The following IMMP2L variants were observed in gnomAD, a reference collection of about 807,000 sequenced individuals.
IMMP2L encodes the protein inner mitochondrial membrane peptidase subunit 2.
IMMP2L carries 18 observed loss-of-function variants against 19.3 expected under a neutral mutation model. The observed-to-expected ratio is 0.93, with a 90% CI of 0.64 to 1.38. The LOEUF (loss-of-function observed/expected upper bound fraction) is 1.38. Among genes scored for constraint, IMMP2L ranks in the 40% most tolerant of loss-of-function variants. The pLI is 0.00. For synonymous variants in IMMP2L, 76 were observed against 73.0 expected, an observed-to-expected ratio of 1.04 and a Z score of -0.21; for missense variants, 233 against 218.2, an observed-to-expected ratio of 1.07 and a Z score of -0.43.
At chr7:111,011,685 C>A (rs7459402) in intron 3 of IMMP2L, among the ~76,000 whole-genome samples, 1 of 152,080 alleles carries the variant, frequency 6.6e-6, no homozygotes, top group African/African-American at 2.4e-5. Context: ...GCACTGAAGA[C>A]GGCAACAACT....
At chr7:110,902,930 T>A (rs1585200913) in intron 4 of IMMP2L, among the ~76,000 whole-genome samples, 3 of 12,662 alleles carry the variant, frequency 2.4e-4, no homozygotes, top group South Asian at 7.2e-3. Flanking sequence ...AGACTCCGTC[T>A]CAAAAAAAAA....
intron 5 of IMMP2L, among the ~76,000 whole-genome samples, chr7:110,774,207 G>A (rs1260157757): frequency 6.6e-6 from 1 of 152,052 alleles, no homozygotes; most frequent in Non-Finnish European, 1.5e-5. Context: ...TCAGTAACTG[G>A]TAAACCTTCA....
intron 3 of IMMP2L, among the ~76,000 whole-genome samples, chr7:111,473,212 G>A (rs1841422935): frequency 6.6e-6 from 1 of 152,184 alleles, no homozygotes; most frequent in African/African-American, 2.4e-5. Flanking sequence ...TATGCACAGG[G>A]TGACTATGCT....
intron 5 of IMMP2L, among the ~76,000 whole-genome samples, chr7:110,776,704 T>C (rs1799411491): frequency 6.6e-6 from 1 of 152,032 alleles, no homozygotes; most frequent in African/African-American, 2.4e-5. Flanking sequence ...GAGATCTATA[T>C]CTTCCACTTA....
intron 3 of IMMP2L, among the ~76,000 whole-genome samples, chr7:111,292,431 T>C (rs1319598835): frequency 6.6e-6 from 1 of 152,098 alleles, no homozygotes; most frequent in African/African-American, 2.4e-5. Flanking sequence ...CCTGCACACA[T>C]TTCTACAGAG....
intron 5 of IMMP2L, among the ~76,000 whole-genome samples, chr7:110,783,743 T>C (rs1044922665): frequency 2.6e-5 from 4 of 151,764 alleles, no homozygotes; most frequent in African/African-American, 4.8e-5. Context: ...GAAAAATACA[T>C]AGAAGTTTAA....
At chr7:111,232,721 G>A (rs1318248455) in intron 3 of IMMP2L, among the ~76,000 whole-genome samples, 4 of 151,998 alleles carry the variant, frequency 2.6e-5, no homozygotes, top group Non-Finnish European at 4.4e-5. Flanking sequence ...GTATTAAAAT[G>A]AAAATGTGAT....
chr7:111,495,066 A>G (rs1415856968), intron 2 of IMMP2L, among the ~76,000 whole-genome samples: 1 of 152,150 alleles, frequency 6.6e-6, no homozygotes, highest in Non-Finnish European at 1.5e-5. Context: ...TTAGTTATGA[A>G]TACCTATAAA....
chr7:110,995,865 A>C lies in IMMP2L; in HGVS notation c.240-32300T>G, dbSNP rs183692623. Among the ~76,000 whole-genome samples the C allele has an allele frequency of 9.2e-5, 14 of 152,266 alleles. 1 individual carries two copies. The highest frequency in any genetic ancestry group is 3.4e-4 in the African/African-American group (14 of 41,556). ...ATCCACCTGGGACACTAGAATAGTAAAGAAATATAATTCTACAGGTTAGGA... is the reference window on the plus strand; with the variant it reads ...ATCCACCTGGGACACTAGAATAGTACAGAAATATAATTCTACAGGTTAGGA... On this transcript the variant is annotated intron_variant, in intron 3 of 5. Transcript: ENST00000405709.
At chr7:111,479,497 C>A (rs111603481) in intron 3 of IMMP2L, among the ~76,000 whole-genome samples, 3,084 of 152,070 alleles carry the variant, frequency 0.02, 105 homozygotes, top group African/African-American at 0.07. Flanking sequence ...AAGTTGACAC[C>A]CTTATATGAC....
intron 4 of IMMP2L, among the ~76,000 whole-genome samples, chr7:110,918,104 C>A (rs964373102): frequency 1.3e-5 from 2 of 152,150 alleles, no homozygotes; most frequent in African/African-American, 4.8e-5. Flanking sequence ...GTACAAGTCT[C>A]TCCCTCAGGA....
chr7:111,383,612 T>C (rs767268668), intron 3 of IMMP2L, among the ~76,000 whole-genome samples: 2 of 152,020 alleles, frequency 1.3e-5, no homozygotes, highest in African/African-American at 4.8e-5. Flanking sequence ...AGTACTTTAT[T>C]TCCCTGTTGG....
intron 3 of IMMP2L, among the ~76,000 whole-genome samples, chr7:111,315,865 T>G (rs1824011444): frequency 6.6e-6 from 1 of 152,110 alleles, no homozygotes; most frequent in South Asian, 2.1e-4. Context: ...AGATAAGGCT[T>G]AAACCACACC....
chr7:111,120,062 T>G (rs1586405453), intron 3 of IMMP2L, among the ~76,000 whole-genome samples: 1 of 152,304 alleles, frequency 6.6e-6, no homozygotes, highest in East Asian at 1.9e-4. Flanking sequence ...GAAGGTTGCC[T>G]GCAGGAAAAT....
rs199500980 is a variant in IMMP2L, at chr7:110,944,047, TACTC to T, written c.305+19449_305+19452del. Among the ~76,000 whole-genome samples the T allele has an allele frequency of 3.9e-3, 592 of 152,136 alleles. 6 individuals are homozygous for T. The highest frequency in any genetic ancestry group is 0.013 in the African/African-American group (544 of 41,584). On this transcript the variant is annotated intron_variant, in intron 4 of 5. Transcript: ENST00000405709. ...TAAATAGAATCATTTCACAGAGTGA[TACTC>T]AGGATTGAAGTTTTATAAATATTGC...
At chr7:110,956,898 G>A (rs1024013222) in intron 4 of IMMP2L, among the ~76,000 whole-genome samples, 2 of 151,960 alleles carry the variant, frequency 1.3e-5, no homozygotes, top group African/African-American at 2.4e-5. Flanking sequence ...ACTTGCTGGA[G>A]TTTAGTGCTT....
intron 1 of IMMP2L, among the ~76,000 whole-genome samples, chr7:111,552,155 A>G (rs781707892): frequency 2.6e-5 from 4 of 152,180 alleles, no homozygotes; most frequent in Non-Finnish European, 5.9e-5. Context: ...TCTTGAATAT[A>G]AAGTAAGATA....
At chr7:111,523,615 A>AT (rs1319754218) in intron 1 of IMMP2L, among the ~76,000 whole-genome samples, 1 of 152,114 alleles carries the variant, frequency 6.6e-6, no homozygotes, top group African/African-American at 2.4e-5. Flanking sequence ...TATATTGCAC[A>AT]TAACATTCAC....
intron 3 of IMMP2L, among the ~76,000 whole-genome samples, chr7:111,465,748 A>C (rs932102920): frequency 6.6e-5 from 10 of 152,144 alleles, no homozygotes; most frequent in African/African-American, 2.4e-4. Context: ...TAGTTCAACC[A>C]TTGTGGAAGT....
Sources: gnomAD v4.1 joint callset for allele counts (sites outside exome capture counted in the v4.1 genomes callset) on GRCh38, gnomAD v4.1.1 for gene constraint, MANE v1.5 for transcripts, NCBI Gene and HGNC (gene_info 2026-07-23, HGNC 2026-07-21) for gene names.